Variants in HIF1A observed in about 807,000 individuals in gnomAD.
The protein encoded by HIF1A is hypoxia-inducible factor 1-alpha.
HIF1A carries 24 observed loss-of-function variants against 92.7 expected under a neutral mutation model. The observed-to-expected ratio is 0.26, with a 90% CI of 0.19 to 0.36. The LOEUF (loss-of-function observed/expected upper bound fraction) is 0.36. Among genes scored for constraint, HIF1A ranks in the 10% least tolerant of loss-of-function variants. The probability of loss-of-function intolerance (pLI) is 1.00; values close to 1 mark genes in which losing one functional copy is unlikely to be tolerated. For missense variants in HIF1A, 799 were observed against 998.5 expected, an observed-to-expected ratio of 0.80 and a Z score of 2.69; for synonymous variants, 319 against 338.7, an observed-to-expected ratio of 0.94 and a Z score of 0.64.
In HIF1A at chr14:61,738,290, C is replaced by A; in HGVS notation, c.1453C>A (p.Leu485Met). 6.2e-7 allele frequency: 1 copy of A among 1,614,138 alleles called. No homozygotes were observed. ...AAAATTAGAACCAAATCCAGAGTCA[C>A]TGGAACTTTCTTTTACCATGCCCCA... ...ALKLEPNPES[L>M]ELSFTMPQIQ... Residue 485 changes from leucine (L) to methionine (M), a missense_variant, in exon 10 of 15, where the codon CTG (leucine) becomes ATG (methionine). Around this residue, in one of 2 missense-constraint regions of HIF1A, gnomAD observed 516 missense variants for 721.0 expected, o/e 0.72. Coordinates refer to ENST00000337138, the MANE Select transcript of HIF1A (RefSeq NM_001530.4).
chr14:61,716,054 T>G (rs936714675), intron 1 of HIF1A, among the ~76,000 whole-genome samples: 6 of 152,110 alleles, frequency 3.9e-5, no homozygotes, highest in Non-Finnish European at 8.8e-5. Flanking sequence ...AGAGTGAACA[T>G]GAACTTTTCT....
intron 1 of HIF1A, among the ~76,000 whole-genome samples, chr14:61,700,740 T>A (rs2044168244): frequency 6.6e-6 from 1 of 152,238 alleles, no homozygotes; most frequent in Non-Finnish European, 1.5e-5. Flanking sequence ...CCAGTTTACA[T>A]TCCCACCAAC....
At chr14:61,711,001 C>T (rs946307782) in intron 1 of HIF1A, among the ~76,000 whole-genome samples, 2 of 148,162 alleles carry the variant, frequency 1.3e-5, no homozygotes, top group Non-Finnish European at 3.0e-5. Context: ...GAGCGGAGAT[C>T]GCACCACTGT....
intron 8 of HIF1A, 60 bp from the exon 9 acceptor site, chr14:61,736,829 C>A: frequency 8.5e-7 from 1 of 1,170,470 alleles, no homozygotes; most frequent in South Asian, 1.3e-5. Context: ...TCACAGTCTC[C>A]CTTCCCCTCA....
intron 1 of HIF1A, among the ~76,000 whole-genome samples, chr14:61,710,258 G>A (rs867207978): frequency 6.6e-6 from 1 of 152,084 alleles, no homozygotes; most frequent in East Asian, 1.9e-4. Flanking sequence ...TTTCTGTGAC[G>A]TGTTTTGTCA....
At chr14:61,717,203 A>G (rs191648674) in intron 1 of HIF1A, among the ~76,000 whole-genome samples, 1 of 152,354 alleles carries the variant, frequency 6.6e-6, no homozygotes, top group African/African-American at 2.4e-5. Context: ...ATTCTTGGTC[A>G]GTACTGTAAT....
intron 1 of HIF1A, among the ~76,000 whole-genome samples, chr14:61,707,660 T>C (rs1331172659): frequency 3.3e-5 from 5 of 151,716 alleles, no homozygotes; most frequent in African/African-American, 7.3e-5. Flanking sequence ...GGCTGAATAG[T>C]ATTCCATGGT....
At chr14:61,741,550 A>G (rs547873917) in intron 12 of HIF1A, among the ~76,000 whole-genome samples, 1 of 151,560 alleles carries the variant, frequency 6.6e-6, no homozygotes, top group Non-Finnish European at 1.5e-5. Flanking sequence ...GGTATTTTTC[A>G]TAGAGACAGG....
intron 12 of HIF1A, among the ~76,000 whole-genome samples, chr14:61,744,087 T>C (rs1161282911): frequency 6.6e-6 from 1 of 152,230 alleles, no homozygotes; most frequent in Non-Finnish European, 1.5e-5. Flanking sequence ...TGTATTTCAA[T>C]AGTCCCAACA....
At chr14:61,700,525 T>C (rs922699614) in intron 1 of HIF1A, among the ~76,000 whole-genome samples, 2 of 152,350 alleles carry the variant, frequency 1.3e-5, no homozygotes, top group Admixed American at 1.3e-4. Context: ...ATATGTTCCA[T>C]ATTTTGTTTC....
In HIF1A at chr14:61,747,346, A is replaced by G; in HGVS notation, c.*261A>G. 1 of 271,526 alleles carries G rather than the reference A, an allele frequency of 3.7e-6. No homozygotes were observed. Among genetic ancestry groups the G allele is most frequent in the Non-Finnish European group, 6.8e-6 (1 of 146,542 alleles). The allele number at this position is 271,526 out of a possible 1,614,324, so 16.8% of individuals were successfully genotyped here. On this transcript the variant is annotated 3_prime_UTR_variant, in exon 15 of 15. Transcript: ENST00000337138. ...CATTGCAGTAGCATCATTTTAAAAA[A>G]TGCACCTTTTTATTTATTTATTTTT...
chr14:61,729,913 T>A (rs2044555077), intron 6 of HIF1A, among the ~76,000 whole-genome samples: 1 of 152,198 alleles, frequency 6.6e-6, no homozygotes, highest in African/African-American at 2.4e-5. Flanking sequence ...TTCCAGGAAC[T>A]TCTTGCATCT....
At chr14:61,713,029 A>G (rs1478975781) in intron 1 of HIF1A, among the ~76,000 whole-genome samples, 1 of 152,106 alleles carries the variant, frequency 6.6e-6, no homozygotes, top group Non-Finnish European at 1.5e-5. Flanking sequence ...TAAATTTACC[A>G]AGCCACATAT....
intron 1 of HIF1A, among the ~76,000 whole-genome samples, chr14:61,703,001 T>C (rs1445127392): frequency 6.6e-6 from 1 of 152,192 alleles, no homozygotes; most frequent in African/African-American, 2.4e-5. Flanking sequence ...TAATGTTGGG[T>C]ACTTAACATA....
Position 61,716,210 on chromosome 14 carries a change from T to A in HIF1A, c.36-4172T>A, listed in dbSNP as rs534362049. On this transcript the variant is annotated intron_variant, in intron 1 of 14. Coordinates refer to ENST00000337138, the MANE Select transcript of HIF1A (RefSeq NM_001530.4). ...ATTGCAGAGTGCATGGGGGAATTGATATACACATTCATGAACTGGCAGAGA... is the reference window on the plus strand; with the variant it reads ...ATTGCAGAGTGCATGGGGGAATTGAAATACACATTCATGAACTGGCAGAGA... Among the ~76,000 whole-genome samples, 3 of 52,264 alleles carry A rather than the reference T, an allele frequency of 5.7e-5. No homozygotes were observed. In the South Asian group the frequency reaches 1.8e-3, roughly 31 times the overall value. 34.3% of individuals were successfully genotyped at this position (52,264 alleles called of 152,430 possible). A position where few individuals can be genotyped will look rare whatever the true frequency, so the allele number is the denominator to read the frequency against.
Position 61,747,066 on chromosome 14 carries a change from C to A in HIF1A, c.2462C>A (p.Ala821Asp), listed in dbSNP as rs1404187796. The A allele has an allele frequency of 6.2e-7, 1 of 1,609,910 alleles. No individual in the cohort carries two copies. Among genetic ancestry groups the A allele is most frequent in the Non-Finnish European group, 8.5e-7 (1 of 1,179,036 alleles). The stretch of plus-strand genomic sequence containing the variant: ...CTGCAGGGTGAAGAATTACTCAGAG[C>A]TTTGGATCAAGTTAACTGAGCTTTT... ...NLLQGEELLRALDQVN is the reference protein window; with the variant it reads ...NLLQGEELLRDLDQVN The change falls in exon 15 of 15, where the codon GCT becomes GAT. Residue 821 changes from alanine to aspartate, a missense_variant. By Grantham distance (126) the Ala-to-Asp change is moderately radical. Around this residue, in one of 2 missense-constraint regions of HIF1A, gnomAD observed 283 missense variants for 277.5 expected, o/e 1.02. Transcript: ENST00000337138.
At chr14:61,695,937 G>GT in intron 1 of HIF1A, 98 bp downstream of exon 1, 1 of 1,134,382 alleles carries the variant, frequency 8.8e-7, no homozygotes. Context: ...AATGGGATTG[G>GT]GGGGGGCAGC....
rs1423079327 is a variant in HIF1A, at chr14:61,695,711, CCTTCT to C, written c.-87_-83del. On this transcript the variant is annotated 5_prime_UTR_variant, in exon 1 of 15. Transcript: ENST00000337138. ...CACCCCCACCTCTGGACTTGCCTTTCCTTCTCTTCTCCGCGTGTGGAGGGAGCCAG... is the reference window on the plus strand; with the variant it reads ...CACCCCCACCTCTGGACTTGCCTTTCCTTCTCCGCGTGTGGAGGGAGCCAG... 7.2e-7 allele frequency: 1 copy of C among 1,392,384 alleles called. No homozygotes were observed. Among genetic ancestry groups the C allele is most frequent in the Non-Finnish European group, 9.9e-7 (1 of 1,010,962 alleles). The allele number at this position is 1,392,384 out of a possible 1,614,324, so 86.3% of individuals were successfully genotyped here. A position where few individuals can be genotyped will look rare whatever the true frequency, so the allele number is the denominator to read the frequency against.
intron 1 of HIF1A, among the ~76,000 whole-genome samples, chr14:61,702,677 G>A (rs757466527): frequency 6.8e-4 from 103 of 152,182 alleles, no homozygotes; most frequent in Non-Finnish European, 1.1e-3. Context: ...TTCCCTGAGT[G>A]TGTTTACAAT....
Sources: allele counts gnomAD v4.1 joint callset (sites outside exome capture counted in the v4.1 genomes callset), GRCh38; gene constraint gnomAD v4.1.1; regional missense constraint gnomAD v4.1.1; transcripts MANE v1.5; gene names NCBI Gene and HGNC (gene_info 2026-07-23, HGNC 2026-07-21).